Variants in C1orf198 observed in about 807,000 individuals in gnomAD.
C1orf198 encodes the protein uncharacterized protein C1orf198.
Under a neutral mutation model 31.4 loss-of-function variants are expected in C1orf198, and 17 were observed. That is an observed-to-expected ratio of 0.54 (90% CI 0.37 to 0.81). The LOEUF is 0.81. Among genes scored for constraint, C1orf198 ranks in the 40% least tolerant of loss-of-function variants. The probability of loss-of-function intolerance (pLI) is 0.00; values close to 1 mark genes in which losing one functional copy is unlikely to be tolerated. For missense variants in C1orf198, 401 were observed against 450.3 expected (o/e 0.89, Z 0.99); for synonymous variants, 175 against 193.8 (o/e 0.90, Z 0.81).
At chr1:230,852,688 G>A (rs1426332612) in intron 2 of C1orf198, among the ~76,000 whole-genome samples, 1 of 152,116 alleles carries the variant, frequency 6.6e-6, no homozygotes, top group Non-Finnish European at 1.5e-5. Flanking sequence ...TTTATGTTGT[G>A]TGTATTTTGC....
At position 230,841,389 on chromosome 1, in the gene C1orf198, ACTGGAAAC is replaced by A. The variant is rs1332054265; in HGVS notation, c.928-1489_928-1482del. ...CATCTGCCGAGGGAGGTGTGGAAGT[ACTGGAAAC>A]CTGCTCTGGGGGACATTCAATGTTA... On this transcript the variant is annotated intron_variant, in intron 3 of 3. Coordinates refer to ENST00000366663, the MANE Select transcript of C1orf198 (RefSeq NM_032800.3). Among the ~76,000 whole-genome samples the A allele has an allele frequency of 1.1e-4, 17 of 152,338 alleles. No homozygotes were observed. In the East Asian group the frequency reaches 3.3e-3, roughly 29 times the overall value.
Position 230,847,102 on chromosome 1 carries a change from C to CAAAAAAAAAAA in C1orf198, c.385-3217_385-3207dup, listed in dbSNP as rs71179741. The stretch of plus-strand genomic sequence containing the variant: ...TGGGCGACAGAGCGAGACTCCGTCT[C>CAAAAAAAAAAA]AAAAAAAAAAAAAAAAAAAAAAAAA... On this transcript the variant is annotated intron_variant, in intron 2 of 3. Coordinates refer to ENST00000366663, the MANE Select transcript of C1orf198 (RefSeq NM_032800.3). Among the ~76,000 whole-genome samples the CAAAAAAAAAAA allele has an allele frequency of 1.4e-3, 95 of 69,690 alleles. 1 individual carries two copies. The highest frequency in any genetic ancestry group is 9.0e-3 in the African/African-American group (93 of 10,378). The allele number at this position is 69,690 out of a possible 152,430, so 45.7% of individuals were successfully genotyped here. A position where few individuals can be genotyped will look rare whatever the true frequency, so the allele number is the denominator to read the frequency against.
chr1:230,845,857 T>C (rs572240877), intron 2 of C1orf198, among the ~76,000 whole-genome samples: 1 of 152,300 alleles, frequency 6.6e-6, no homozygotes, highest in East Asian at 1.9e-4. Context: ...ATGTAACCAT[T>C]TTCATATATG....
chr1:230,862,848 C>T (rs913026738), intron 1 of C1orf198, among the ~76,000 whole-genome samples: 8 of 152,200 alleles, frequency 5.3e-5, no homozygotes, highest in South Asian at 2.1e-4. Flanking sequence ...GAACCCTAAA[C>T]TATGGACTTT....
chr1:230,843,472 G>C lies in C1orf198; in HGVS notation c.809C>G (p.Ala270Gly). ...TERERPQPVQ[A>G]FSSALHEAAP... The stretch of plus-strand genomic sequence containing the variant: ...AGCCTCGTGCAGTGCACTGCTGAAG[G>C]CCTGGACAGGCTGGGGTCTCTCACG... Residue 270 changes from alanine to glycine, a missense_variant, in exon 3 of 4, where the codon GCC becomes GGC. Transcript: ENST00000366663. The surrounding 1 kb of genome is among the most constrained non-coding windows in gnomAD (Gnocchi z 4.9). 1.2e-6 allele frequency: 2 copies of C among 1,610,978 alleles called. No individual in the cohort carries two copies. Among genetic ancestry groups the C allele is most frequent in the Non-Finnish European group, 1.7e-6 (2 of 1,178,704 alleles).
intron 1 of C1orf198, among the ~76,000 whole-genome samples, chr1:230,862,739 G>T (rs1670029367): frequency 6.6e-6 from 1 of 152,164 alleles, no homozygotes; most frequent in South Asian, 2.1e-4. Flanking sequence ...GGAACACAGA[G>T]AATTTTTAGG....
intron 2 of C1orf198, among the ~76,000 whole-genome samples, chr1:230,845,512 C>T (rs939825669): frequency 6.6e-6 from 1 of 152,106 alleles, no homozygotes; most frequent in African/African-American, 2.4e-5. Context: ...GAGAAACCCC[C>T]TCTCTAATAA....
At chr1:230,842,236 T>C (rs1046809063) in intron 3 of C1orf198, among the ~76,000 whole-genome samples, 1 of 152,192 alleles carries the variant, frequency 6.6e-6, no homozygotes, top group African/African-American at 2.4e-5. Context: ...GCATTGAGAA[T>C]GTACTGAAAT....
chr1:230,843,876 G>T lies in C1orf198; in HGVS notation c.405C>A (p.Ile135=). 1 of 1,515,780 alleles carries T rather than the reference G, an allele frequency of 6.6e-7. No homozygotes were observed. The allele number at this position is 1,515,780 out of a possible 1,614,324, so 93.9% of individuals were successfully genotyped here. A position where few individuals can be genotyped will look rare whatever the true frequency, so the allele number is the denominator to read the frequency against. ...TCGGCTCCTGGATGGATAGGGCGGA[G>T]ATACTGAACTCCATCTGACTCTAGG... ...WETKSQMEFS[I]SALSIQEPSN... is the part of the protein sequence containing the mutation. The change falls in exon 3 of 4, where the codon ATC becomes ATA. Residue 135 remains isoleucine (I), a synonymous_variant. Transcript: ENST00000366663. This position sits in a 1 kb window ranked among gnomAD's most constrained non-coding sequence, Gnocchi z 4.9.
intron 3 of C1orf198, 71 bp from the exon 4 acceptor site, chr1:230,839,979 C>A: frequency 7.2e-7 from 1 of 1,398,056 alleles, no homozygotes; most frequent in Non-Finnish European, 9.9e-7. Flanking sequence ...CTAAAAACAG[C>A]ATCTCATTTA....
At chr1:230,859,084 A>G (rs1669944301) in intron 1 of C1orf198, among the ~76,000 whole-genome samples, 2 of 152,150 alleles carry the variant, frequency 1.3e-5, no homozygotes, top group Admixed American at 1.3e-4. Flanking sequence ...ACAAAAATAA[A>G]CATGCCAAAC....
intron 1 of C1orf198, among the ~76,000 whole-genome samples, chr1:230,866,988 G>T (rs184171942): frequency 3.4e-4 from 52 of 152,208 alleles, no homozygotes; most frequent in Admixed American, 2.7e-3. Flanking sequence ...CATTAAAGTG[G>T]GTTTATGACC....
intron 1 of C1orf198, among the ~76,000 whole-genome samples, chr1:230,862,931 G>A (rs1194278066): frequency 6.6e-6 from 1 of 152,104 alleles, no homozygotes; most frequent in Non-Finnish European, 1.5e-5. Context: ...GAGCCAGAGA[G>A]GCAATGAGAA....
chr1:230,868,672 C>T (rs1304248589), upstream of C1orf198: 18 of 418,182 alleles, frequency 4.3e-5, no homozygotes, highest in African/African-American at 3.0e-4. Flanking sequence ...AGCCCCGGGA[C>T]CCCGGCCCTC....
In C1orf198 at chr1:230,838,078, C is replaced by A. The variant is rs181766671; in HGVS notation, c.*1774G>T. On this transcript the variant is annotated 3_prime_UTR_variant, in exon 4 of 4. Transcript: ENST00000366663. This position sits in a 1 kb window ranked among gnomAD's most constrained non-coding sequence, Gnocchi z 4.2. ...CTACAACAGCCCCATGCCCTCCAGGCAGAAGGTGGAGGCAGGTGGCCGCTG... is the reference window on the plus strand; with the variant it reads ...CTACAACAGCCCCATGCCCTCCAGGAAGAAGGTGGAGGCAGGTGGCCGCTG... 285 of 152,388 alleles carry A rather than the reference C, an allele frequency of 1.9e-3. No homozygotes were observed. The highest frequency in any genetic ancestry group is 6.5e-3 in the African/African-American group (272 of 41,586). 9.4% of individuals were successfully genotyped at this position (152,388 alleles called of 1,614,324 possible).
At position 230,844,269 on chromosome 1, in the gene C1orf198, T is replaced by C. The variant is rs75175661; in HGVS notation, c.385-373A>G. 6.0e-3 allele frequency among the ~76,000 whole-genome samples: 909 copies of C among 152,118 alleles called. 12 individuals are homozygous for C. The East Asian group carries it at 0.063, about 11-fold the overall frequency. ...TCATGGCTTGGTGCTGTCTTCATGATAGTGAGTCCTCATGAGATCTGGTCG... is the reference window on the plus strand; with the variant it reads ...TCATGGCTTGGTGCTGTCTTCATGACAGTGAGTCCTCATGAGATCTGGTCG... On this transcript the variant is annotated intron_variant, in intron 2 of 3. Transcript: ENST00000366663.
upstream of C1orf198, chr1:230,868,630 T>G: frequency 1.2e-6 from 1 of 813,222 alleles, no homozygotes; most frequent in Non-Finnish European, 1.5e-6. Flanking sequence ...CACCGCCGCG[T>G]ACCCGGGTCT....
chr1:230,868,589 G>C, upstream of C1orf198: 1 of 1,020,428 alleles, frequency 9.8e-7, no homozygotes, highest in Non-Finnish European at 1.2e-6. Flanking sequence ...GCGCCACCCG[G>C]AGCCCCGCCC....
Position 230,843,089 on chromosome 1 carries a change from G to C in C1orf198, c.927+265C>G, listed in dbSNP as rs887792290. Among the ~76,000 whole-genome samples, 1 of 152,264 alleles carries C rather than the reference G, an allele frequency of 6.6e-6. No individual in the cohort carries two copies. Among genetic ancestry groups the C allele is most frequent in the Non-Finnish European group, 1.5e-5 (1 of 68,048 alleles). On this transcript the variant is annotated intron_variant, in intron 3 of 3. Coordinates refer to ENST00000366663, the MANE Select transcript of C1orf198 (RefSeq NM_032800.3). This position sits in a 1 kb window ranked among gnomAD's most constrained non-coding sequence, Gnocchi z 4.9. ...CAGGGGCCTCTTCTGATAGCAGCCC[G>C]CGCACTGGGGAAAGCGCAGTGGGCC...
Sources: allele counts gnomAD v4.1 joint callset (sites outside exome capture counted in the v4.1 genomes callset), GRCh38; gene constraint gnomAD v4.1.1; non-coding constraint Gnocchi (gnomAD v3.1); transcripts MANE v1.5; gene names NCBI Gene and HGNC (gene_info 2026-07-23, HGNC 2026-07-21).